The following EBF1 variants were observed in gnomAD, a reference collection of about 807,000 sequenced individuals.
The protein encoded by EBF1 is EBF transcription factor 1.
EBF1 carries 10 observed loss-of-function variants against 68.4 expected under a neutral mutation model. The observed-to-expected ratio is 0.15, with a 90% CI of 0.09 to 0.25. EBF1 has a LOEUF of 0.25. EBF1 is among the 10% of genes least tolerant of loss of function. EBF1 has a pLI of 1.00. For synonymous variants in EBF1, 298 were observed against 299.8 expected (o/e 0.99, Z 0.06); for missense variants, 509 against 794.4 (o/e 0.64, Z 4.32).
At chr5:159,069,618 A>G (rs1777465078) in intron 6 of EBF1, among the ~76,000 whole-genome samples, 1 of 152,186 alleles carries the variant, frequency 6.6e-6, no homozygotes, top group Non-Finnish European at 1.5e-5. Flanking sequence ...CATTTATTAA[A>G]AAGTTTCCAT....
At chr5:158,964,886 G>A (rs932101404) in intron 6 of EBF1, among the ~76,000 whole-genome samples, 3 of 152,148 alleles carry the variant, frequency 2.0e-5, no homozygotes, top group African/African-American at 7.2e-5. Flanking sequence ...TCAAGTAGTG[G>A]AAATGCAACA....
intron 5 of EBF1, among the ~76,000 whole-genome samples, chr5:159,080,968 G>A (rs1001875049): frequency 1.3e-5 from 2 of 152,094 alleles, no homozygotes; most frequent in African/African-American, 4.8e-5. Flanking sequence ...GTTACCTGTG[G>A]TCCAGTACAT....
intron 6 of EBF1, among the ~76,000 whole-genome samples, chr5:159,068,649 G>A (rs1026862445): frequency 4.6e-5 from 7 of 151,972 alleles, no homozygotes; most frequent in African/African-American, 1.5e-4. Context: ...AAGCTTTTCC[G>A]TTCATATGAT....
Position 158,862,809 on chromosome 5 carries a change from C to T in EBF1, c.555-22699G>A, listed in dbSNP as rs149644015. Among the ~76,000 whole-genome samples, 896 of 152,254 alleles carry T rather than the reference C, an allele frequency of 5.9e-3. 14 individuals are homozygous for T. The highest frequency in any genetic ancestry group is 0.021 in the African/African-American group (860 of 41,546). On this transcript the variant is annotated intron_variant, in intron 6 of 15. Coordinates refer to ENST00000313708, the MANE Select transcript of EBF1 (RefSeq NM_024007.5). Reference sequence around the variant, plus strand: ...TTAAGGAAAATTCAAAACAAGTGACCTACAATATGATTATCATTTTCTTAA... The same window carrying T: ...TTAAGGAAAATTCAAAACAAGTGACTTACAATATGATTATCATTTTCTTAA...
At chr5:158,821,926 T>C (rs180771269) in intron 8 of EBF1, among the ~76,000 whole-genome samples, 11 of 152,310 alleles carry the variant, frequency 7.2e-5, no homozygotes, top group Admixed American at 6.5e-4. Context: ...GAGCATTACA[T>C]CTGGCTAATT....
chr5:158,877,011 A>G (rs913091574), intron 6 of EBF1, among the ~76,000 whole-genome samples: 1 of 152,152 alleles, frequency 6.6e-6, no homozygotes, highest in African/African-American at 2.4e-5. Context: ...TCAGAGAAAT[A>G]CCCTGTTTTA....
At chr5:158,747,459 T>C (rs939350843) in intron 10 of EBF1, among the ~76,000 whole-genome samples, 3 of 152,190 alleles carry the variant, frequency 2.0e-5, no homozygotes, top group Non-Finnish European at 2.9e-5. Flanking sequence ...ACATCAAATC[T>C]GTCATTCAGA....
At chr5:158,780,719 T>C (rs554860335) in intron 9 of EBF1, among the ~76,000 whole-genome samples, 2 of 152,262 alleles carry the variant, frequency 1.3e-5, no homozygotes, top group African/African-American at 2.4e-5. Flanking sequence ...CCTGAGACTT[T>C]ATCCCTTTAA....
intron 11 of EBF1, among the ~76,000 whole-genome samples, chr5:158,717,535 CTCT>C (rs984610933): frequency 6.6e-6 from 1 of 152,008 alleles, no homozygotes; most frequent in Non-Finnish European, 1.5e-5. Flanking sequence ...GGGAGATTTT[CTCT>C]TCTTTTCATA....
At chr5:158,950,283 T>C (rs1219132915) in intron 6 of EBF1, among the ~76,000 whole-genome samples, 3 of 152,242 alleles carry the variant, frequency 2.0e-5, no homozygotes, top group Non-Finnish European at 4.4e-5. Flanking sequence ...CCTAAGTGAA[T>C]GTACCCAAGA....
intron 6 of EBF1, among the ~76,000 whole-genome samples, chr5:158,890,216 T>G (rs571981115): frequency 6.6e-6 from 1 of 152,348 alleles, no homozygotes; most frequent in African/African-American, 2.4e-5. Flanking sequence ...TTTAAGAGTT[T>G]TTTCCCTAAA....
chr5:158,886,107 T>C (rs987302994), intron 6 of EBF1, among the ~76,000 whole-genome samples: 1 of 152,206 alleles, frequency 6.6e-6, no homozygotes, highest in South Asian at 2.1e-4. Flanking sequence ...CTTAGAGGAA[T>C]CCATCAATTC....
chr5:159,056,724 T>A (rs1037644469), intron 6 of EBF1, among the ~76,000 whole-genome samples: 5 of 152,234 alleles, frequency 3.3e-5, no homozygotes, highest in Non-Finnish European at 5.9e-5. Context: ...GAAAGGGTAC[T>A]TTCAATTTGT....
intron 6 of EBF1, among the ~76,000 whole-genome samples, chr5:159,068,489 A>C (rs531146960): frequency 1.3e-5 from 2 of 152,264 alleles, no homozygotes; most frequent in East Asian, 3.9e-4. Flanking sequence ...ATGTTATATA[A>C]ATACATTGGT....
intron 10 of EBF1, among the ~76,000 whole-genome samples, chr5:158,759,765 C>G (rs968982301): frequency 1.3e-5 from 2 of 152,040 alleles, no homozygotes; most frequent in African/African-American, 4.8e-5. Context: ...TCTTCTCTGC[C>G]TCCTTGTGTA....
intron 6 of EBF1, among the ~76,000 whole-genome samples, chr5:159,005,707 G>A (rs1387470922): frequency 6.6e-6 from 1 of 152,152 alleles, no homozygotes; most frequent in Non-Finnish European, 1.5e-5. Context: ...AAATTATGAT[G>A]ATAGAATGCA....
At chr5:158,940,763 G>GCCCCCCCCCCCCCCCCCC (rs1281689924) in intron 6 of EBF1, among the ~76,000 whole-genome samples, 1 of 6,360 alleles carries the variant, frequency 1.6e-4, no homozygotes, top group African/African-American at 4.1e-4. Flanking sequence ...TCACCCCACC[G>GCCCCCCCCCCCCCCCCCC]CCCCCCCCCC....
At chr5:158,959,824 G>A (rs1817819693) in intron 6 of EBF1, among the ~76,000 whole-genome samples, 1 of 152,082 alleles carries the variant, frequency 6.6e-6, no homozygotes, top group Admixed American at 6.5e-5. Flanking sequence ...TAATAGTCAT[G>A]AAAATGGGGG....
chr5:158,959,293 A>ATTT (rs11404732), intron 6 of EBF1, among the ~76,000 whole-genome samples: 6 of 144,676 alleles, frequency 4.1e-5, no homozygotes, highest in Non-Finnish European at 4.5e-5. Context: ...CTACTTAAGA[A>ATTT]TTTTTTTTTT....
Sources: gnomAD v4.1 joint callset for allele counts (sites outside exome capture counted in the v4.1 genomes callset) on GRCh38, gnomAD v4.1.1 for gene constraint, MANE v1.5 for transcripts, NCBI Gene and HGNC (gene_info 2026-07-23, HGNC 2026-07-21) for gene names.